SLIT3: variants seen among roughly 807,000 people sequenced by gnomAD.
The protein encoded by SLIT3 is slit homolog 3 protein.
Under a neutral mutation model 184.0 loss-of-function variants are expected in SLIT3, and 68 were observed. The ratio of observed to expected loss-of-function variants is 0.37; its 90% confidence interval spans 0.30 to 0.45. The LOEUF is 0.45. Ranked by LOEUF, SLIT3 falls within the 20% of genes least tolerant of loss-of-function variation. The pLI, the probability that SLIT3 is intolerant of heterozygous loss-of-function variation, is 1.00. For synonymous variants in SLIT3, 831 were observed against 828.6 expected (o/e 1.00, Z -0.05); for missense variants, 1,707 against 2,026.0 (o/e 0.84, Z 3.02).
At chr5:168,802,354 C>A (rs903907748) in intron 9 of SLIT3, among the ~76,000 whole-genome samples, 22 of 152,120 alleles carry the variant, frequency 1.4e-4, no homozygotes, top group African/African-American at 5.3e-4. Flanking sequence ...CCCCCTCCAA[C>A]CTGCTCTCAA....
At chr5:168,926,058 G>A (rs541323623) in intron 4 of SLIT3, among the ~76,000 whole-genome samples, 18 of 152,224 alleles carry the variant, frequency 1.2e-4, no homozygotes, top group South Asian at 2.1e-4. Flanking sequence ...TCTTGGGAGC[G>A]GTGCCTCGGA....
At chr5:169,229,670 C>CTCTCTCTCTCTCTCTCTCTCTCT (rs1764931083) in intron 3 of SLIT3, among the ~76,000 whole-genome samples, 3 of 147,952 alleles carry the variant, frequency 2.0e-5, no homozygotes, top group African/African-American at 7.4e-5. Flanking sequence ...CTCTCTCTCT[C>CTCTCTCTCTCTCTCTCTCTCTCT]CTTATTCATC....
intron 4 of SLIT3, among the ~76,000 whole-genome samples, chr5:169,182,637 A>G (rs1459114637): frequency 6.6e-6 from 1 of 152,250 alleles, no homozygotes; most frequent in Non-Finnish European, 1.5e-5. Context: ...TTGATGCTGA[A>G]TGTGGTTCAG....
chr5:169,246,921 CAAAAAAAAA>C (rs34365189), intron 2 of SLIT3, among the ~76,000 whole-genome samples: 5 of 25,606 alleles, frequency 2.0e-4, no homozygotes, highest in Non-Finnish European at 2.7e-4. Context: ...GACTCTGTCT[CAAAAAAAAA>C]AAAAAAAAAA....
At chr5:169,185,609 T>C (rs1008688251) in intron 4 of SLIT3, among the ~76,000 whole-genome samples, 7 of 152,192 alleles carry the variant, frequency 4.6e-5, no homozygotes, top group Non-Finnish European at 8.8e-5. Context: ...CAGAGTTTTA[T>C]AGGGACACAT....
At chr5:168,964,494 C>T (rs1184573930) in intron 4 of SLIT3, among the ~76,000 whole-genome samples, 1 of 152,186 alleles carries the variant, frequency 6.6e-6, no homozygotes, top group Non-Finnish European at 1.5e-5. Context: ...GCCTATGAAA[C>T]ACATAGTGCC....
chr5:168,766,800 T>A (rs1309586484), intron 14 of SLIT3, among the ~76,000 whole-genome samples: 1 of 152,258 alleles, frequency 6.6e-6, no homozygotes, highest in Non-Finnish European at 1.5e-5. Flanking sequence ...AAATGGGATC[T>A]TTGTATGTCC....
At chr5:168,959,662 G>A (rs761374428) in intron 4 of SLIT3, among the ~76,000 whole-genome samples, 3 of 152,124 alleles carry the variant, frequency 2.0e-5, no homozygotes, top group African/African-American at 7.2e-5. Context: ...AGTGACGTGG[G>A]AAGAGGGCGT....
Position 168,804,895 on chromosome 5 carries a change from G to C in SLIT3, c.935+1551C>G, listed in dbSNP as rs78017275. 5.4e-3 allele frequency among the ~76,000 whole-genome samples: 827 copies of C among 152,188 alleles called. 6 individuals carry two copies. Among genetic ancestry groups the C allele is most frequent in the African/African-American group, 0.019 (789 of 41,508 alleles). On this transcript the variant is annotated intron_variant, in intron 9 of 35. Transcript: ENST00000519560. ...CTCATCCCCTGTTACCATCCCTTTT[G>C]TCTACTCTACTCCAGCCACACTGGC...
At chr5:169,089,019 CAAAAAAAAAAAAAAA>C (rs570118972) in intron 4 of SLIT3, among the ~76,000 whole-genome samples, 553 of 25,524 alleles carry the variant, frequency 0.022, 6 homozygotes, top group African/African-American at 0.057. Context: ...GACTCCATCT[CAAAAAAAAAAAAAAA>C]AAAAAAAAAA....
At chr5:169,117,754 T>C (rs1022136007) in intron 4 of SLIT3, among the ~76,000 whole-genome samples, 4 of 152,192 alleles carry the variant, frequency 2.6e-5, no homozygotes, top group Admixed American at 1.3e-4. Context: ...GTCTCTATTC[T>C]CAAAAGGAGA....
intron 4 of SLIT3, among the ~76,000 whole-genome samples, chr5:169,168,998 T>A (rs772793280): frequency 6.6e-6 from 1 of 151,772 alleles, no homozygotes; most frequent in African/African-American, 2.4e-5. Flanking sequence ...TTAGGATTCA[T>A]CCCAAGCCCT....
intron 27 of SLIT3, among the ~76,000 whole-genome samples, chr5:168,698,611 C>T (rs1730842258): frequency 6.6e-6 from 1 of 152,102 alleles, no homozygotes. Flanking sequence ...GTGATTACAG[C>T]CACCCAGTCT....
At chr5:169,114,710 T>C (rs1760584305) in intron 4 of SLIT3, among the ~76,000 whole-genome samples, 2 of 152,214 alleles carry the variant, frequency 1.3e-5, no homozygotes, top group Admixed American at 1.3e-4. Context: ...GCCACCTCTG[T>C]CCTCCTCCTT....
intron 6 of SLIT3, among the ~76,000 whole-genome samples, chr5:168,831,575 ATT>A (rs1757884179): frequency 6.6e-6 from 1 of 152,194 alleles, no homozygotes; most frequent in Non-Finnish European, 1.5e-5. Flanking sequence ...TCGAGCTCTC[ATT>A]TGACACCTCA....
In SLIT3 at chr5:168,728,938, A is replaced by AC. The variant is rs532210330; in HGVS notation, c.2271-4455_2271-4454insG. The stretch of plus-strand genomic sequence containing the variant: ...GTCTCAAAAAAAAACCAAAGAAACA[A>AC]AAAAAAAAGCCAACTGAGAAATTCT... On this transcript the variant is annotated intron_variant, in intron 20 of 35. Coordinates refer to ENST00000519560, the MANE Select transcript of SLIT3 (RefSeq NM_003062.4). Among the ~76,000 whole-genome samples, 1,016 of 150,366 alleles carry AC rather than the reference A, an allele frequency of 6.8e-3. 5 individuals carry two copies. The highest frequency in any genetic ancestry group is 9.9e-3 in the Non-Finnish European group (672 of 67,558).
At chr5:169,071,361 A>G (rs937869249) in intron 4 of SLIT3, among the ~76,000 whole-genome samples, 1 of 147,234 alleles carries the variant, frequency 6.8e-6, no homozygotes, top group African/African-American at 2.4e-5. Context: ...GCCTTCAACT[A>G]TATTTCTCTA....
At chr5:168,980,352 GGAAGGCTGCTTCCCACA>G (rs993045040) in intron 4 of SLIT3, among the ~76,000 whole-genome samples, 4 of 152,064 alleles carry the variant, frequency 2.6e-5, no homozygotes, top group African/African-American at 4.8e-5. Flanking sequence ...ATGACCAAGG[GGAAGGCTGCTTCCCACA>G]GAAGGCTCAA....
intron 4 of SLIT3, among the ~76,000 whole-genome samples, chr5:169,038,693 GGT>G (rs1757343295): frequency 6.6e-6 from 1 of 152,182 alleles, no homozygotes; most frequent in Non-Finnish European, 1.5e-5. Flanking sequence ...GATTTGCCAA[GGT>G]CACGCTGCTA....
Sources: allele counts gnomAD v4.1 joint callset (sites outside exome capture counted in the v4.1 genomes callset), GRCh38; gene constraint gnomAD v4.1.1; transcripts MANE v1.5; gene names NCBI Gene and HGNC (gene_info 2026-07-23, HGNC 2026-07-21).